The following GADL1 variants were observed in gnomAD, a reference collection of about 807,000 sequenced individuals.
The protein encoded by GADL1 is GAD like acidic amino acid decarboxylase 1.
A neutral mutation model predicts 69.5 loss-of-function variants in GADL1; 71 were observed. The ratio of observed to expected loss-of-function variants is 1.02; its 90% confidence interval spans 0.84 to 1.25. GADL1 has a LOEUF of 1.25. GADL1 is among the 50% of genes most tolerant of loss of function. The probability of loss-of-function intolerance (pLI) is 0.00; values close to 1 mark genes in which losing one functional copy is unlikely to be tolerated. For synonymous variants in GADL1, 254 were observed against 214.4 expected (o/e 1.18, Z -1.62); for missense variants, 737 against 631.8 (o/e 1.17, Z -1.79).
chr3:30,851,041 C>T, intron 4 of GADL1, 100 bp from the exon 5 acceptor site: 1 of 668,120 alleles, frequency 1.5e-6, no homozygotes, highest in Non-Finnish European at 2.5e-6. Context: ...CAAGTGGCTG[C>T]TGAAGTGTAG....
At chr3:30,765,414 A>G (rs1166465479) in intron 14 of GADL1, among the ~76,000 whole-genome samples, 2 of 152,232 alleles carry the variant, frequency 1.3e-5, no homozygotes, top group Non-Finnish European at 2.9e-5. Context: ...CAATAAGCAT[A>G]TAAGTTGCCC....
At chr3:30,875,161 C>T (rs1018265302) in intron 1 of GADL1, among the ~76,000 whole-genome samples, 8 of 150,638 alleles carry the variant, frequency 5.3e-5, no homozygotes, top group Admixed American at 3.3e-4. Context: ...ATCACTTCTG[C>T]TGTCTAGTGG....
rs572380220 is a variant in GADL1, at chr3:30,782,692, CAA to C, written c.1302+3661_1302+3662del. On this transcript the variant is annotated intron_variant, in intron 13 of 14. Coordinates refer to ENST00000282538, the MANE Select transcript of GADL1 (RefSeq NM_207359.3). ...ATTTCAGGGAGACTGTGGCCAAAGA[CAA>C]AGTGTTAGAAGAATATTTAAGGGAG... is the stretch of plus-strand genomic sequence containing the variant. Among the ~76,000 whole-genome samples the C allele has an allele frequency of 1.7e-3, 265 of 152,046 alleles. 2 individuals are homozygous for C. The highest frequency in any genetic ancestry group is 6.0e-3 in the African/African-American group (248 of 41,480).
Position 30,801,437 on chromosome 3 carries a change from G to GA in GADL1, c.1051-350dup, listed in dbSNP as rs1192607982. The stretch of plus-strand genomic sequence containing the variant: ...AACTCAAAGTGCTCTCCATTGGCCA[G>GA]AAAAAAAAAACTGACATATTTACAT... On this transcript the variant is annotated intron_variant, in intron 11 of 14. Transcript: ENST00000282538. 2.2e-3 allele frequency among the ~76,000 whole-genome samples: 327 copies of GA among 146,172 alleles called. 3 individuals carry two copies. Among genetic ancestry groups the GA allele is most frequent in the African/African-American group, 5.6e-3 (225 of 39,956 alleles).
At chr3:30,813,231 G>A (rs1697394599) in intron 11 of GADL1, among the ~76,000 whole-genome samples, 4 of 152,234 alleles carry the variant, frequency 2.6e-5, no homozygotes, top group Middle Eastern at 3.4e-3. Flanking sequence ...TGCAAATTGA[G>A]GATAATAATA....
chr3:30,774,874 A>G (rs1696496561), intron 14 of GADL1, among the ~76,000 whole-genome samples: 1 of 152,104 alleles, frequency 6.6e-6, no homozygotes, highest in Non-Finnish European at 1.5e-5. Context: ...CCAGCAGAAG[A>G]GTGACATGAA....
intron 13 of GADL1, among the ~76,000 whole-genome samples, chr3:30,784,754 A>G (rs545637021): frequency 6.6e-6 from 1 of 152,266 alleles, no homozygotes; most frequent in South Asian, 2.1e-4. Context: ...TTTAACATGC[A>G]AGTCAGACTC....
At chr3:30,864,052 C>T (rs759177178) in intron 1 of GADL1, among the ~76,000 whole-genome samples, 3 of 151,942 alleles carry the variant, frequency 2.0e-5, no homozygotes, top group Admixed American at 6.6e-5. Context: ...TGAAAGGAAA[C>T]ATTTAACATG....
intron 14 of GADL1, among the ~76,000 whole-genome samples, chr3:30,758,391 C>T (rs1291976724): frequency 6.8e-6 from 1 of 146,890 alleles, no homozygotes; most frequent in Non-Finnish European, 1.5e-5. Context: ...CCATTTCCTA[C>T]ACTTTGCTCC....
intron 12 of GADL1, chr3:30,798,633 A>C (rs1697097517): frequency 6.6e-6 from 1 of 152,146 alleles, no homozygotes; most frequent in South Asian, 2.1e-4. Context: ...ACGTGCTCAC[A>C]TTTCAAAACC....
chr3:30,884,919 G>A (rs552970116), intron 1 of GADL1, among the ~76,000 whole-genome samples: 34 of 151,996 alleles, frequency 2.2e-4, no homozygotes, highest in South Asian at 6.2e-4. Context: ...CACCTTTATC[G>A]TATGGGGGCA....
At chr3:30,788,387 C>G (rs1272599787) in intron 12 of GADL1, among the ~76,000 whole-genome samples, 1 of 152,126 alleles carries the variant, frequency 6.6e-6, no homozygotes, top group African/African-American at 2.4e-5. Context: ...GTCTAAAACA[C>G]AATGCACATG....
intron 4 of GADL1, among the ~76,000 whole-genome samples, chr3:30,852,562 C>T (rs1317659648): frequency 2.0e-5 from 3 of 151,802 alleles, no homozygotes; most frequent in Non-Finnish European, 2.9e-5. Context: ...GTTATGAAGC[C>T]AGTGTACATA....
intron 8 of GADL1, among the ~76,000 whole-genome samples, chr3:30,842,591 G>A (rs1248067007): frequency 6.6e-6 from 1 of 151,794 alleles, no homozygotes; most frequent in Non-Finnish European, 1.5e-5. Context: ...AGGGAAGAAA[G>A]ACAATCATGA....
chr3:30,792,168 CTG>C (rs1333521607), intron 12 of GADL1, among the ~76,000 whole-genome samples: 3 of 152,196 alleles, frequency 2.0e-5, no homozygotes, highest in African/African-American at 2.4e-5. Flanking sequence ...AGTTTTCAAA[CTG>C]TGATCCGTGG....
intron 14 of GADL1, among the ~76,000 whole-genome samples, chr3:30,749,209 T>A (rs926343932): frequency 1.1e-4 from 17 of 152,140 alleles, no homozygotes; most frequent in African/African-American, 3.9e-4. Flanking sequence ...TTCTATCCAG[T>A]CTTAAATGGA....
At chr3:30,862,006 C>T (rs565020994) in intron 1 of GADL1, among the ~76,000 whole-genome samples, 5 of 151,906 alleles carry the variant, frequency 3.3e-5, no homozygotes, top group Non-Finnish European at 5.9e-5. Flanking sequence ...TTATATATGT[C>T]ACTCTGTACT....
In GADL1 at chr3:30,762,740, T is replaced by TC. The variant is rs200650173; in HGVS notation, c.1392+15438dup. Among the ~76,000 whole-genome samples, 964 of 152,290 alleles carry TC rather than the reference T, an allele frequency of 6.3e-3. 9 individuals carry two copies. Among genetic ancestry groups the TC allele is most frequent in the African/African-American group, 0.022 (918 of 41,540 alleles). ...TTTGGATCCATTAACCATGCCCACC[T>TC]CCCAGACCCCCACTATCCTTCCCAC... On this transcript the variant is annotated intron_variant, in intron 14 of 14. Coordinates refer to ENST00000282538, the MANE Select transcript of GADL1 (RefSeq NM_207359.3).
chr3:30,754,360 C>G lies in GADL1; in HGVS notation c.1392+23819G>C, dbSNP rs1003663329. 3.2e-5 allele frequency among the ~76,000 whole-genome samples: 4 copies of G among 124,384 alleles called. No individual in the cohort carries two copies. In the East Asian group the frequency reaches 7.8e-4, roughly 24 times the overall value. The allele number at this position is 124,384 out of a possible 152,430, so 81.6% of individuals were successfully genotyped here. A position where few individuals can be genotyped will look rare whatever the true frequency, so the allele number is the denominator to read the frequency against. ...AGTTATCAAGTAATATCTTAGCTTC[C>G]TTCAGGAAAGAATATGTTGGGGCTA... On this transcript the variant is annotated intron_variant, in intron 14 of 14. Transcript: ENST00000282538.
Sources: allele counts gnomAD v4.1 joint callset (sites outside exome capture counted in the v4.1 genomes callset), GRCh38; gene constraint gnomAD v4.1.1; transcripts MANE v1.5; gene names NCBI Gene and HGNC (gene_info 2026-07-23, HGNC 2026-07-21).